The following LILRB5 variants were observed in gnomAD, a reference collection of about 807,000 sequenced individuals.
LILRB5 encodes leukocyte immunoglobulin like receptor B5.
Under a neutral mutation model 68.4 loss-of-function variants are expected in LILRB5, and 61 were observed. That is an observed-to-expected ratio of 0.89 (90% CI 0.73 to 1.10). The LOEUF (loss-of-function observed/expected upper bound fraction) is 1.10. Ranked by LOEUF, LILRB5 falls within the 50% of genes least tolerant of loss-of-function variation. The probability of loss-of-function intolerance (pLI) is 0.00; values close to 1 mark genes in which losing one functional copy is unlikely to be tolerated. For missense variants in LILRB5, 771 were observed against 751.6 expected, an observed-to-expected ratio of 1.03 and a Z score of -0.30; for synonymous variants, 356 against 315.8, an observed-to-expected ratio of 1.13 and a Z score of -1.35.
intron 6 of LILRB5, 98 bp downstream of exon 6, chr19:54,254,637 C>A: frequency 6.8e-7 from 1 of 1,477,788 alleles, no homozygotes; most frequent in Non-Finnish European, 9.4e-7. Context: ...TCAAACCCTC[C>A]CCCCCGCACC....
At position 54,256,471 on chromosome 19, in the gene LILRB5, C is replaced by T; in HGVS notation, c.355+18G>A. ...TGAGGGCAGAGCCTGGGGCTGGGAC[C>T]CCTGAGTGTCCTCTCACCTGTCGCC... is the stretch of plus-strand genomic sequence containing the variant. On this transcript the variant is annotated intron_variant, in intron 3 of 12. Coordinates refer to ENST00000449561, the MANE Select transcript of LILRB5 (RefSeq NM_001081442.3). 6.2e-7 allele frequency: 1 copy of T among 1,612,946 alleles called. No homozygotes were observed. Among genetic ancestry groups the T allele is most frequent in the Non-Finnish European group, 8.5e-7 (1 of 1,179,434 alleles).
chr19:54,254,020 C>T lies in LILRB5; in HGVS notation c.1355G>A (p.Ser452Asn). Residue 452 changes from serine (S) to asparagine (N), a missense_variant and splice_region_variant, in exon 8 of 13, where the codon AGT (serine) becomes AAT (asparagine). By Grantham distance (46) the Ser-to-Asn change is conservative. Transcript: ENST00000449561. The stretch of plus-strand genomic sequence containing the variant: ...CCCACTCAGAGCCCCTCACTCACCA[C>T]TCTGGGGATCCAACCCCGTGGGGGT... The part of the protein sequence containing the change: ...PLTPTGLDPQ[S>N]GLGRHLGVVT... 6.3e-7 allele frequency: 1 copy of T among 1,593,620 alleles called. No individual in the cohort carries two copies. The highest frequency in any genetic ancestry group is 8.6e-7 in the Non-Finnish European group (1 of 1,169,494).
At position 54,255,103 on chromosome 19, in the gene LILRB5, T is replaced by A. The variant is rs184089706; in HGVS notation, c.953-66A>T. ...CTCTGAGCTGAGACCTCCCCAGGCC[T>A]CTCTAGGAGCCTCTGTCTCTGTTTT... On this transcript the variant is annotated intron_variant, in intron 5 of 12. Coordinates refer to ENST00000449561, the MANE Select transcript of LILRB5 (RefSeq NM_001081442.3). 389 of 1,514,698 alleles carry A rather than the reference T, an allele frequency of 2.6e-4. No individual in the cohort carries two copies. The African/African-American group carries it at 4.5e-3, about 18-fold the overall frequency. 93.8% of individuals were successfully genotyped at this position (1,514,698 alleles called of 1,614,324 possible).
Position 54,252,541 on chromosome 19 carries a change from A to G in LILRB5, c.1483T>C (p.Tyr495His). 1 of 1,613,966 alleles carries G rather than the reference A, an allele frequency of 6.2e-7. No individual in the cohort carries two copies. Among genetic ancestry groups the G allele is most frequent in the Non-Finnish European group, 8.5e-7 (1 of 1,179,970 alleles). ...GGCCCCGCAGCCCCTGCAGGACGGT[A>G]GAAATGGGCTGGACAGAGATGGACA... The part of the protein sequence containing the change: ...QSKHRTSAHF[Y>H]RPAGAAGPEP... The change falls in exon 10 of 13, where the codon TAC (tyrosine) becomes CAC (histidine). Residue 495 changes from tyrosine (Y) to histidine (H), a missense_variant. Transcript: ENST00000449561.
In LILRB5 at chr19:54,257,226, G is replaced by A; in HGVS notation, c.-33C>T. ...GCTCCCACTGGACTCAGCTGTGCAG[G>A]CGGATGAGACCACGGTGCCTGGCAG... On this transcript the variant is annotated 5_prime_UTR_variant, in exon 1 of 13. Coordinates refer to ENST00000449561, the MANE Select transcript of LILRB5 (RefSeq NM_001081442.3). The A allele has an allele frequency of 6.2e-7, 1 of 1,614,102 alleles. No individual in the cohort carries two copies.
intron 7 of LILRB5, 122 bp downstream of exon 7, chr19:54,254,242 GC>G: frequency 6.9e-7 from 1 of 1,455,434 alleles, no homozygotes; most frequent in Non-Finnish European, 9.2e-7. Context: ...CTCTGGCTCT[GC>G]CCAGCTCCCT....
chr19:54,254,488 T>C (rs375150949), intron 6 of LILRB5, 73 bp from the exon 7 acceptor site: 6 of 1,479,912 alleles, frequency 4.1e-6, no homozygotes, highest in Non-Finnish European at 5.5e-6. Context: ...CACCTGCCCG[T>C]GGCTTCTCTG....
At chr19:54,253,748 G>T in intron 8 of LILRB5, 1 of 1,236,408 alleles carries the variant, frequency 8.1e-7, no homozygotes, top group Non-Finnish European at 1.2e-6. Flanking sequence ...GAGCCCCGGA[G>T]CTGCAGGGAA....
chr19:54,254,486 C>T (rs1019888529), intron 6 of LILRB5, 71 bp from the exon 7 acceptor site: 10 of 1,487,166 alleles, frequency 6.7e-6, no homozygotes, highest in East Asian at 2.5e-5. Context: ...TCCACCTGCC[C>T]GTGGCTTCTC....
At position 54,255,504 on chromosome 19, in the gene LILRB5, C is replaced by T. The variant is rs749676703; in HGVS notation, c.734G>A (p.Arg245His). The T allele has an allele frequency of 5.7e-5, 92 of 1,613,830 alleles. No homozygotes were observed. Among genetic ancestry groups the T allele is most frequent in the Non-Finnish European group, 6.9e-5 (82 of 1,179,938 alleles). ...ARGGSLTLQC[R>H]SDVGYDIFVL... ...GAATATGTCATAGCCGACATCAGAG[C>T]GACACTGCAGGGTCAGGCTGCCTCC... The change falls in exon 5 of 13, where the codon CGC (arginine) becomes CAC (histidine). Residue 245 changes from arginine to histidine, a missense_variant. By Grantham distance (29) the Arg-to-His change is conservative. Coordinates refer to ENST00000449561, the MANE Select transcript of LILRB5 (RefSeq NM_001081442.3).
chr19:54,257,138 C>A, intron 1 of LILRB5, 22 bp downstream of exon 1: 1 of 1,614,162 alleles, frequency 6.2e-7, no homozygotes, highest in Non-Finnish European at 8.5e-7. Context: ...GGGGACCTTC[C>A]TTCCCCCTCT....
In LILRB5 at chr19:54,256,757, G is replaced by A. The variant is rs764007939; in HGVS notation, c.87C>T (p.Pro29=). 6.2e-7 allele frequency: 1 copy of A among 1,613,872 alleles called. No homozygotes were observed. The highest frequency in any genetic ancestry group is 2.2e-5 in the East Asian group (1 of 44,886). ...TCVQAGTLPK[P]TLWAEPASVI... is the part of the protein sequence containing the mutation. ...CAGAGGCTGGCTCAGCCCAGAGGGT[G>A]GGTTTGGGGAGGGTGCCTAGAATGG... The change falls in exon 3 of 13, where the codon CCC becomes CCT. Residue 29 remains proline (P), a synonymous_variant. Transcript: ENST00000449561.
Position 54,255,038 on chromosome 19 carries a change from C to G in LILRB5, c.953-1G>C. The G allele has an allele frequency of 6.3e-7, 1 of 1,595,928 alleles. No homozygotes were observed. Among genetic ancestry groups the G allele is most frequent in the South Asian group, 1.1e-5 (1 of 89,220 alleles). On this transcript the variant is annotated splice_acceptor_variant, in intron 5 of 12. Transcript: ENST00000449561. LOFTEE classifies it high-confidence loss of function. ...AGGGCGGGTATGTCAGGGATCAGTC[C>G]TGGAGAGAAGAAGGATGGGTGAGGG...
intron 12 of LILRB5, 146 bp downstream of exon 12, chr19:54,251,908 C>A: frequency 3.3e-6 from 3 of 896,152 alleles, no homozygotes; most frequent in Non-Finnish European, 5.7e-6. Flanking sequence ...AGAGTGAGGT[C>A]GCAGCAGGCG....
intron 2 of LILRB5, 80 bp from the exon 3 acceptor site, chr19:54,256,853 G>T: frequency 6.2e-7 from 1 of 1,606,582 alleles, no homozygotes; most frequent in Non-Finnish European, 8.5e-7. Flanking sequence ...CCCTCCAGAC[G>T]TCCCCATCAG....
At position 54,250,671 on chromosome 19, in the gene LILRB5, T is replaced by G. The variant is rs1032767525; in HGVS notation, c.*115A>C. 1.2e-5 allele frequency: 16 copies of G among 1,322,320 alleles called. No homozygotes were observed. Among genetic ancestry groups the G allele is most frequent in the Middle Eastern group, 2.2e-4 (1 of 4,464 alleles). 81.9% of individuals were successfully genotyped at this position (1,322,320 alleles called of 1,614,324 possible). A position where few individuals can be genotyped will look rare whatever the true frequency, so the allele number is the denominator to read the frequency against. On this transcript the variant is annotated 3_prime_UTR_variant, in exon 13 of 13. Transcript: ENST00000449561. ...AGTTCCCAGGATGTCCTGGTGGTCT[T>G]TGTTAGGGGTCCAGGCTGGCTGGGG...
chr19:54,253,340 CT>C, intron 8 of LILRB5: 1 of 190,954 alleles, frequency 5.2e-6, no homozygotes, highest in South Asian at 9.3e-5. Flanking sequence ...AGGATCCTCC[CT>C]TCCCCAGCAC....
chr19:54,255,223 G>A (rs1334739524), intron 5 of LILRB5, 63 bp downstream of exon 5: 5 of 1,456,368 alleles, frequency 3.4e-6, no homozygotes, highest in Middle Eastern at 2.5e-4. Flanking sequence ...ATCACTAATT[G>A]GATTCCCCCG....
intron 9 of LILRB5, 38 bp from the exon 10 acceptor site, chr19:54,252,587 T>A: frequency 1.2e-6 from 2 of 1,610,316 alleles, no homozygotes; most frequent in East Asian, 2.2e-5. Flanking sequence ...CCTGGGAGAA[T>A]TCGAACCAGC....
Sources: allele counts gnomAD v4.1 joint callset, GRCh38; gene constraint gnomAD v4.1.1; transcripts MANE v1.5; gene names NCBI Gene and HGNC (gene_info 2026-07-23, HGNC 2026-07-21).